TBC1D1: variants seen among roughly 807,000 people sequenced by gnomAD.
The protein encoded by TBC1D1 is TBC1 (tre-2/USP6, BUB2, cdc16) domain family, member 1.
Under a neutral mutation model 125.6 loss-of-function variants are expected in TBC1D1, and 89 were observed. The ratio of observed to expected loss-of-function variants is 0.71; its 90% CI spans 0.60 to 0.85. TBC1D1 has a LOEUF of 0.85. Among genes scored for constraint, TBC1D1 ranks in the 40% least tolerant of loss-of-function variants. The probability of loss-of-function intolerance (pLI) is 0.00; values close to 1 mark genes in which losing one functional copy is unlikely to be tolerated. For synonymous variants in TBC1D1, 565 were observed against 564.1 expected (o/e 1.00, Z -0.02); for missense variants, 1,377 against 1,469.2 (o/e 0.94, Z 1.03).
At chr4:38,132,871 A>T in intron 18 of TBC1D1, 1 of 285,586 alleles carries the variant, frequency 3.5e-6, no homozygotes, top group Non-Finnish European at 6.7e-6. Flanking sequence ...CCTTGGAATT[A>T]TTTCTAGATG....
At chr4:38,006,050 G>C (rs1391902388) in intron 2 of TBC1D1, among the ~76,000 whole-genome samples, 4 of 152,190 alleles carry the variant, frequency 2.6e-5, no homozygotes, top group Admixed American at 6.5e-5. Flanking sequence ...ACATAGCAGG[G>C]AGCAGAGAGG....
rs368736287 is a variant in TBC1D1, at chr4:38,062,287, C to T, written c.2050+7949C>T. Among the ~76,000 whole-genome samples the T allele has an allele frequency of 1.3e-4, 20 of 149,564 alleles. No homozygotes were observed. In the South Asian group the frequency reaches 3.2e-3, roughly 24 times the overall value. ...GTGCTTGTTTTTTTTTTTTTCCCTG[C>T]GTGTTTTTGTTTTTGATCTTGCTAT... On this transcript the variant is annotated intron_variant, in intron 12 of 19. Transcript: ENST00000261439.
intron 18 of TBC1D1, among the ~76,000 whole-genome samples, chr4:38,128,695 A>G (rs1314568871): frequency 6.6e-6 from 1 of 152,232 alleles, no homozygotes; most frequent in Non-Finnish European, 1.5e-5. Context: ...ACAGGCTGAA[A>G]GCAGCCAGAG....
chr4:38,067,880 G>T (rs1251797690), intron 12 of TBC1D1, among the ~76,000 whole-genome samples: 1 of 152,112 alleles, frequency 6.6e-6, no homozygotes, highest in African/African-American at 2.4e-5. Context: ...AGGTTTCTCT[G>T]TCCTGCCGTT....
chr4:38,133,384 G>T, intron 19 of TBC1D1, 127 bp downstream of exon 21: 1 of 788,222 alleles, frequency 1.3e-6, no homozygotes, highest in Non-Finnish European at 2.0e-6. Flanking sequence ...TCTGTTTATA[G>T]TTGGGATCAA....
At chr4:38,089,874 TTGAA>T in intron 12 of TBC1D1, 54 bp from the exon 15 acceptor site, 2 of 1,494,736 alleles carry the variant, frequency 1.3e-6, no homozygotes, top group South Asian at 2.7e-5. Context: ...GACACTGTGT[TTGAA>T]TGTGCATTTT....
intron 12 of TBC1D1, among the ~76,000 whole-genome samples, chr4:38,066,898 G>A (rs376663852): frequency 2.0e-5 from 3 of 151,610 alleles, no homozygotes; most frequent in African/African-American, 7.3e-5. Context: ...CTTTTACCCC[G>A]ATGGAGTCTC....
At chr4:37,956,535 CT>C (rs1728971446) in intron 2 of TBC1D1, among the ~76,000 whole-genome samples, 1 of 152,180 alleles carries the variant, frequency 6.6e-6, no homozygotes, top group Admixed American at 6.6e-5. Context: ...CCTCATTGTG[CT>C]TTAACACATT....
intron 2 of TBC1D1, among the ~76,000 whole-genome samples, chr4:38,006,622 G>A (rs1315038412): frequency 6.6e-6 from 1 of 151,950 alleles, no homozygotes; most frequent in Non-Finnish European, 1.5e-5. Context: ...GGGACTACAG[G>A]CATGTGCCAC....
At chr4:37,957,193 C>T (rs1036595972) in intron 2 of TBC1D1, among the ~76,000 whole-genome samples, 2 of 152,144 alleles carry the variant, frequency 1.3e-5, no homozygotes, top group Non-Finnish European at 2.9e-5. Flanking sequence ...ATGTGGCAGA[C>T]GTATCTCTTC....
chr4:38,039,916 C>A (rs755201470), intron 8 of TBC1D1, among the ~76,000 whole-genome samples: 1 of 151,416 alleles, frequency 6.6e-6, no homozygotes. Context: ...GAGTTTGAGA[C>A]CAGCTTGGTC....
At chr4:38,053,084 C>T in intron 11 of TBC1D1, 22 bp from the exon 13 acceptor site, 3 of 1,391,430 alleles carry the variant, frequency 2.2e-6, no homozygotes, top group Non-Finnish European at 9.4e-7. Flanking sequence ...ATCCTAAACT[C>T]TTTTTTCAAC....
intron 2 of TBC1D1, among the ~76,000 whole-genome samples, chr4:37,949,618 C>T (rs551832989): frequency 5.9e-5 from 9 of 152,322 alleles, no homozygotes; most frequent in African/African-American, 2.2e-4. Flanking sequence ...TCCAGGGCAA[C>T]CCTAAACTGT....
At chr4:38,081,921 T>A (rs1247559755) in intron 12 of TBC1D1, among the ~76,000 whole-genome samples, 2 of 152,186 alleles carry the variant, frequency 1.3e-5, no homozygotes, top group East Asian at 3.9e-4. Context: ...GTTCTAGTCC[T>A]GGATTCACCA....
chr4:38,028,748 T>C lies in TBC1D1; in HGVS notation c.1302+869T>C, dbSNP rs373136830. Among the ~76,000 whole-genome samples, 9 of 152,364 alleles carry C rather than the reference T, an allele frequency of 5.9e-5. No individual in the cohort carries two copies. In the South Asian group the frequency reaches 1.9e-3, roughly 32 times the overall value. On this transcript the variant is annotated intron_variant, in intron 7 of 19. Coordinates refer to ENST00000261439, the MANE Select transcript of TBC1D1 (RefSeq NM_015173.4). ...GGTCCGGCCTCTGGTCCGCATGTAC[T>C]CATCTGTTCCCTGGGAAACCTCTGC...
intron 2 of TBC1D1, chr4:37,960,407 T>G: frequency 6.3e-7 from 1 of 1,576,214 alleles, no homozygotes; most frequent in Non-Finnish European, 8.6e-7. Context: ...TAGATGAATG[T>G]GGCTGTTGAG....
At chr4:37,957,305 A>G (rs569938530) in intron 2 of TBC1D1, among the ~76,000 whole-genome samples, 51 of 152,348 alleles carry the variant, frequency 3.3e-4, no homozygotes, top group African/African-American at 1.1e-3. Flanking sequence ...CTTTTTAGAG[A>G]CAAGGAATTT....
intron 15 of TBC1D1, chr4:38,110,183 A>G: frequency 2.0e-6 from 2 of 985,324 alleles, no homozygotes; most frequent in Non-Finnish European, 2.4e-6. Flanking sequence ...ATGCAGTCAG[A>G]TGGGCTCTGA....
chr4:37,910,273 T>C (rs1428041407), intron 2 of TBC1D1, among the ~76,000 whole-genome samples: 2 of 152,226 alleles, frequency 1.3e-5, no homozygotes, highest in African/African-American at 4.8e-5. Flanking sequence ...TATTTATAGC[T>C]TAGGTCTTTA....
Sources: allele counts gnomAD v4.1 joint callset (sites outside exome capture counted in the v4.1 genomes callset), GRCh38; gene constraint gnomAD v4.1.1; transcripts MANE v1.5; gene names NCBI Gene and HGNC (gene_info 2026-07-23, HGNC 2026-07-21).